Variants in SHOC1 observed in about 807,000 individuals in gnomAD.
The protein encoded by SHOC1 is protein shortage in chiasmata 1 ortholog.
SHOC1 carries 136 observed loss-of-function variants against 179.2 expected under a neutral mutation model. The ratio of observed to expected loss-of-function variants is 0.76; its 90% confidence interval spans 0.66 to 0.87. The LOEUF (loss-of-function observed/expected upper bound fraction) is 0.87. Among genes scored for constraint, SHOC1 ranks in the 40% least tolerant of loss-of-function variants. The pLI is 0.00. For synonymous variants in SHOC1, 489 were observed against 586.6 expected, an observed-to-expected ratio of 0.83 and a Z score of 2.41; for missense variants, 1,538 against 1,700.8, an observed-to-expected ratio of 0.90 and a Z score of 1.68.
At chr9:111,740,300 T>C (rs1368672391) in intron 11 of SHOC1, among the ~76,000 whole-genome samples, 2 of 152,198 alleles carry the variant, frequency 1.3e-5, no homozygotes, top group Non-Finnish European at 2.9e-5. Context: ...GTTCAAAGTC[T>C]CCAAGGTTTA....
intron 27 of SHOC1, among the ~76,000 whole-genome samples, chr9:111,690,317 T>C (rs1007823529): frequency 7.2e-5 from 11 of 152,040 alleles, no homozygotes; most frequent in African/African-American, 2.7e-4. Context: ...TCCCAGCTAC[T>C]TGGGAGGCTA....
chr9:111,706,829 G>T (rs1034721135), intron 19 of SHOC1, 83 bp from the exon 20 acceptor site: 54 of 970,830 alleles, frequency 5.6e-5, no homozygotes, highest in Non-Finnish European at 7.5e-5. Flanking sequence ...CTGTTTTCTG[G>T]CTGTTCCATC....
chr9:111,692,274 C>T lies in SHOC1; in HGVS notation c.3703G>A (p.Glu1235Lys). 1.9e-6 allele frequency: 3 copies of T among 1,613,482 alleles called. No individual in the cohort carries two copies. The highest frequency in any genetic ancestry group is 2.2e-5 in the South Asian group (2 of 91,062). The change falls in exon 27 of 28, where the codon GAA (glutamate) becomes AAA (lysine). Residue 1235 changes from glutamate to lysine, a missense_variant. Transcript: ENST00000682961. ...AAAAAACTTGAGATTTCTTTTAGTT[C>T]CATAATGGAAGAGTTGTCATTCAAA... ...TILNDNSSIM[E>K]LKEISSFLPP...
At chr9:111,724,079 G>A (rs192835606) in intron 13 of SHOC1, among the ~76,000 whole-genome samples, 168 bp from the exon 14 acceptor site, 2 of 152,184 alleles carry the variant, frequency 1.3e-5, no homozygotes, top group African/African-American at 4.8e-5. Context: ...AACACTGCTA[G>A]GTAGGAAGAT....
chr9:111,780,842 A>C (rs896715308), intron 4 of SHOC1, 88 bp downstream of exon 4: 31 of 865,086 alleles, frequency 3.6e-5, no homozygotes, highest in Non-Finnish European at 5.3e-5. Flanking sequence ...AGATAAAGGA[A>C]GAGATTTTCC....
chr9:111,711,472 A>G (rs1161081956), intron 18 of SHOC1, among the ~76,000 whole-genome samples: 1 of 152,162 alleles, frequency 6.6e-6, no homozygotes, highest in Non-Finnish European at 1.5e-5. Context: ...ATGGGGGTCT[A>G]TTAACAGGAA....
chr9:111,770,210 G>A (rs1442445774), intron 5 of SHOC1, among the ~76,000 whole-genome samples: 1 of 150,998 alleles, frequency 6.6e-6, no homozygotes, highest in Non-Finnish European at 1.5e-5. Context: ...CATAGATTTT[G>A]GTATGTTTTA....
At chr9:111,729,391 G>A (rs79661873) in intron 12 of SHOC1, among the ~76,000 whole-genome samples, 1 of 152,180 alleles carries the variant, frequency 6.6e-6, no homozygotes, top group East Asian at 1.9e-4. Flanking sequence ...ACAGGTGAAA[G>A]CCACTGTGCC....
chr9:111,711,368 C>T (rs909662416), intron 18 of SHOC1, among the ~76,000 whole-genome samples: 7 of 152,218 alleles, frequency 4.6e-5, no homozygotes, highest in East Asian at 3.9e-4. Flanking sequence ...ACTGGGAAGA[C>T]GGGATGAGGC....
At chr9:111,735,097 A>T (rs1293177895) in intron 12 of SHOC1, among the ~76,000 whole-genome samples, 2 of 152,132 alleles carry the variant, frequency 1.3e-5, no homozygotes, top group Non-Finnish European at 2.9e-5. Flanking sequence ...TTCACTTAAG[A>T]TCATGGCCTC....
At chr9:111,734,213 G>T (rs1241633098) in intron 12 of SHOC1, among the ~76,000 whole-genome samples, 1 of 142,988 alleles carries the variant, frequency 7.0e-6, no homozygotes, top group Admixed American at 7.4e-5. Context: ...TTTTCCAACA[G>T]CATTTCCAAC....
chr9:111,780,747 G>T (rs1364842366), intron 4 of SHOC1, among the ~76,000 whole-genome samples, 183 bp downstream of exon 4: 1 of 152,070 alleles, frequency 6.6e-6, no homozygotes, highest in Non-Finnish European at 1.5e-5. Context: ...AATTAAAAAA[G>T]AAGATATAAG....
intron 12 of SHOC1, 147 bp downstream of exon 12, chr9:111,738,133 C>G: frequency 1.6e-6 from 1 of 615,160 alleles, no homozygotes; most frequent in Non-Finnish European, 2.6e-6. Context: ...CTAGAGAAAT[C>G]CAAAGTCATA....
intron 5 of SHOC1, among the ~76,000 whole-genome samples, chr9:111,765,818 A>G (rs1245418906): frequency 6.6e-6 from 1 of 151,800 alleles, no homozygotes; most frequent in Admixed American, 6.6e-5. Context: ...GGTTCAAACA[A>G]TTCTCCTGCC....
intron 11 of SHOC1, among the ~76,000 whole-genome samples, chr9:111,739,557 C>A (rs753569431): frequency 6.6e-6 from 1 of 152,012 alleles, no homozygotes; most frequent in Non-Finnish European, 1.5e-5. Context: ...TGGAATTATA[C>A]CATATGAATT....
At chr9:111,728,270 C>A (rs1420649862) in intron 12 of SHOC1, among the ~76,000 whole-genome samples, 1 of 152,084 alleles carries the variant, frequency 6.6e-6, no homozygotes, top group Admixed American at 6.6e-5. Flanking sequence ...AGCTAGTTTA[C>A]CAAGCAAAGA....
intron 24 of SHOC1, among the ~76,000 whole-genome samples, chr9:111,697,093 C>A (rs1000040329): frequency 2.0e-5 from 3 of 152,042 alleles, no homozygotes; most frequent in Non-Finnish European, 4.4e-5. Flanking sequence ...GAATAAATAT[C>A]CCCATACCAT....
intron 10 of SHOC1, among the ~76,000 whole-genome samples, chr9:111,741,776 CG>C (rs1834053781): frequency 6.6e-6 from 1 of 151,988 alleles, no homozygotes; most frequent in African/African-American, 2.4e-5. Context: ...GGATTACAGG[CG>C]TCTGCCACCA....
At position 111,786,029 on chromosome 9, in the gene SHOC1, C is replaced by A; in HGVS notation, c.52G>T (p.Val18Phe). 6.7e-7 allele frequency: 1 copy of A among 1,486,380 alleles called. No individual in the cohort carries two copies. Among genetic ancestry groups the A allele is most frequent in the Non-Finnish European group, 8.9e-7 (1 of 1,121,036 alleles). 92.1% of individuals were successfully genotyped at this position (1,486,380 alleles called of 1,614,324 possible). ...GCATCTCTGTAAAACTTCTTTCTAACCACATTCTGTGGAAGAAAGAAAGAT... is the reference window on the plus strand; with the variant it reads ...GCATCTCTGTAAAACTTCTTTCTAAACACATTCTGTGGAAGAAAGAAAGAT... ...HAIDYLYENV[V>F]RKKFYRDALL... The change falls in exon 3 of 28, where the codon GTT becomes TTT. Residue 18 changes from valine to phenylalanine, a missense_variant. Coordinates refer to ENST00000682961, the MANE Select transcript of SHOC1 (RefSeq NM_001378211.1).
Sources: gnomAD v4.1 joint callset for allele counts (sites outside exome capture counted in the v4.1 genomes callset) on GRCh38, gnomAD v4.1.1 for gene constraint, MANE v1.5 for transcripts, NCBI Gene and HGNC (gene_info 2026-07-23, HGNC 2026-07-21) for gene names.